VSNL1: variants seen among roughly 807,000 people sequenced by gnomAD.
The protein encoded by VSNL1 is visinin like 1.
In VSNL1, 6 loss-of-function variants were observed where a neutral mutation model predicts 20.4. The observed-to-expected ratio is 0.29, with a 90% CI of 0.16 to 0.58. The LOEUF (loss-of-function observed/expected upper bound fraction) is 0.58. VSNL1 is among the 20% of genes least tolerant of loss of function. The probability of loss-of-function intolerance (pLI) is 0.90; values close to 1 mark genes in which losing one functional copy is unlikely to be tolerated. For synonymous variants in VSNL1, 93 were observed against 86.4 expected, an observed-to-expected ratio of 1.08 and a Z score of -0.42; for missense variants, 100 against 234.5, an observed-to-expected ratio of 0.43 and a Z score of 3.75.
chr2:17,574,163 G>A (rs899323786), intron 1 of VSNL1, among the ~76,000 whole-genome samples: 7 of 152,086 alleles, frequency 4.6e-5, no homozygotes, highest in East Asian at 1.9e-4. Context: ...TAACTGACCC[G>A]TAGGTTCTGG....
In VSNL1 at chr2:17,649,686, C is replaced by A; in HGVS notation, c.378+61C>A. ...CAGAAGGAGACCCCACGGCAGCCTC[C>A]TAGGTGCAGGCCTTAGTGGCTTCTT... On this transcript the variant is annotated intron_variant, in intron 3 of 3. Transcript: ENST00000295156. This position sits in a 1 kb window ranked among gnomAD's most constrained non-coding sequence, Gnocchi z 6.4. 2 of 1,535,630 alleles carry A rather than the reference C, an allele frequency of 1.3e-6. No homozygotes were observed. Among genetic ancestry groups the A allele is most frequent in the Admixed American group, 3.4e-5 (2 of 58,988 alleles).
intron 1 of VSNL1, among the ~76,000 whole-genome samples, chr2:17,583,773 G>A (rs186117549): frequency 5.5e-4 from 84 of 152,308 alleles, no homozygotes; most frequent in Non-Finnish European, 8.1e-4. Flanking sequence ...GAGTCAACAA[G>A]GCCACAGCAA....
chr2:17,643,588 A>G (rs1467241401), intron 2 of VSNL1, among the ~76,000 whole-genome samples: 1 of 152,230 alleles, frequency 6.6e-6, no homozygotes, highest in East Asian at 1.9e-4. Flanking sequence ...ACCAGGCACC[A>G]GAGATTACAG....
intron 1 of VSNL1, among the ~76,000 whole-genome samples, chr2:17,550,989 T>G (rs1394180124): frequency 1.3e-5 from 2 of 152,154 alleles, no homozygotes; most frequent in African/African-American, 2.4e-5. Context: ...TAAGTCCCCT[T>G]TGGAGAGCTG....
intron 2 of VSNL1, 74 bp downstream of exon 2, chr2:17,592,310 T>A (rs1053648668): frequency 6.7e-7 from 1 of 1,491,416 alleles, no homozygotes; most frequent in East Asian, 2.3e-5. Flanking sequence ...TACCCTCACA[T>A]GGAATTATAA....
At chr2:17,618,232 T>C (rs73222512) in intron 2 of VSNL1, among the ~76,000 whole-genome samples, 3 of 152,164 alleles carry the variant, frequency 2.0e-5, no homozygotes, top group Non-Finnish European at 4.4e-5. Flanking sequence ...CTTACACTTT[T>C]GGGGGCCAGA....
At chr2:17,565,402 C>CA (rs143517173) in intron 1 of VSNL1, among the ~76,000 whole-genome samples, 5,029 of 152,170 alleles carry the variant, frequency 0.033, 88 homozygotes, top group East Asian at 0.097. Context: ...CCTTCTTCCT[C>CA]AAAGCAATCA....
At chr2:17,620,061 T>C (rs922787349) in intron 2 of VSNL1, among the ~76,000 whole-genome samples, 8 of 152,032 alleles carry the variant, frequency 5.3e-5, no homozygotes, top group African/African-American at 1.9e-4. Context: ...TGCCAGGAGA[T>C]AGAAAGCATT....
At chr2:17,603,564 G>A (rs530018558) in intron 2 of VSNL1, among the ~76,000 whole-genome samples, 13 of 152,340 alleles carry the variant, frequency 8.5e-5, no homozygotes, top group African/African-American at 3.1e-4. Context: ...AAGGAGTTCT[G>A]TTGGCTGAAA....
chr2:17,549,407 C>T (rs1558278380), intron 1 of VSNL1, among the ~76,000 whole-genome samples: 1 of 152,148 alleles, frequency 6.6e-6, no homozygotes, highest in Non-Finnish European at 1.5e-5. Flanking sequence ...TACACACATA[C>T]ATGATATATA....
chr2:17,578,666 C>A (rs1179558866), intron 1 of VSNL1, among the ~76,000 whole-genome samples: 3 of 152,214 alleles, frequency 2.0e-5, no homozygotes, highest in African/African-American at 7.2e-5. Context: ...GGAGGCCATA[C>A]AACTTGCCAA....
At chr2:17,584,259 A>G (rs901593835) in intron 1 of VSNL1, among the ~76,000 whole-genome samples, 1 of 152,178 alleles carries the variant, frequency 6.6e-6, no homozygotes, top group Non-Finnish European at 1.5e-5. Context: ...AAGGGATACA[A>G]GGGAAACTGA....
chr2:17,638,777 A>G (rs898015150), intron 2 of VSNL1, among the ~76,000 whole-genome samples: 5 of 152,208 alleles, frequency 3.3e-5, no homozygotes, highest in African/African-American at 1.2e-4. Context: ...CTGAGGCAAG[A>G]ATCAGGTCAC....
chr2:17,547,871 C>T (rs1304545821), intron 1 of VSNL1, among the ~76,000 whole-genome samples: 1 of 152,028 alleles, frequency 6.6e-6, no homozygotes, highest in Non-Finnish European at 1.5e-5. Context: ...CTAAATAACA[C>T]GTTTCCCTTC....
At chr2:17,543,014 C>G (rs1043165100) in intron 1 of VSNL1, among the ~76,000 whole-genome samples, 1 of 152,206 alleles carries the variant, frequency 6.6e-6, no homozygotes, top group Non-Finnish European at 1.5e-5. Flanking sequence ...TTTCAGCAGT[C>G]TCAGTGACAT....
chr2:17,655,408 C>CT lies in VSNL1; in HGVS notation c.*15dup, dbSNP rs1232572162. 1 of 1,564,978 alleles carries CT rather than the reference C, an allele frequency of 6.4e-7. No homozygotes were observed. The highest frequency in any genetic ancestry group is 1.7e-5 in the Admixed American group (1 of 58,788). On this transcript the variant is annotated 3_prime_UTR_variant, in exon 4 of 4. Transcript: ENST00000295156. This position sits in a 1 kb window ranked among gnomAD's most constrained non-coding sequence, Gnocchi z 5.2. Reference sequence around the variant, plus strand: ...ATCCAGAAATGAGCTGATGTCAATGCTATGGACTGCACAAAAGTCTCAATG... The same window carrying CT: ...ATCCAGAAATGAGCTGATGTCAATGCTTATGGACTGCACAAAAGTCTCAATG...
rs190348527 is a variant in VSNL1, at chr2:17,628,029, C to T, written c.163-21381C>T. 3.9e-5 allele frequency among the ~76,000 whole-genome samples: 6 copies of T among 152,322 alleles called. No homozygotes were observed. In the East Asian group the frequency reaches 7.7e-4, roughly 20 times the overall value. ...TTCACTGTTATAATTTTCTCAGTTA[C>T]GATTTTTGCAAAGGCAGCTTCACAT... On this transcript the variant is annotated intron_variant, in intron 2 of 3. Coordinates refer to ENST00000295156, the MANE Select transcript of VSNL1 (RefSeq NM_003385.5).
At chr2:17,549,951 T>C (rs1407066143) in intron 1 of VSNL1, among the ~76,000 whole-genome samples, 1 of 152,228 alleles carries the variant, frequency 6.6e-6, no homozygotes, top group East Asian at 1.9e-4. Flanking sequence ...ATGTGTGTTT[T>C]AGGCATCACA....
intron 1 of VSNL1, among the ~76,000 whole-genome samples, chr2:17,554,481 A>G (rs1663626320): frequency 6.6e-6 from 1 of 152,232 alleles, no homozygotes; most frequent in African/African-American, 2.4e-5. Flanking sequence ...AGGATTAGAT[A>G]GAAGTACAGA....
Sources: gnomAD v4.1 joint callset for allele counts (sites outside exome capture counted in the v4.1 genomes callset) on GRCh38, gnomAD v4.1.1 for gene constraint, Gnocchi (gnomAD v3.1) non-coding constraint, MANE v1.5 for transcripts, NCBI Gene and HGNC (gene_info 2026-07-23, HGNC 2026-07-21) for gene names.